Variants in SLC25A21 observed in about 807,000 individuals in gnomAD.
SLC25A21 encodes solute carrier family 25 member 21.
In SLC25A21, 47 loss-of-function variants were observed where a neutral mutation model predicts 43.8. That is an observed-to-expected ratio of 1.07 (90% confidence interval 0.85 to 1.37). The LOEUF is 1.37. Among genes scored for constraint, SLC25A21 ranks in the 40% most tolerant of loss-of-function variants. SLC25A21 has a pLI of 0.00. For missense variants in SLC25A21, 352 were observed against 350.2 expected (o/e 1.00, Z -0.04); for synonymous variants, 131 against 121.3 (o/e 1.08, Z -0.52).
At chr14:37,007,977 C>T (rs141954957) in intron 1 of SLC25A21, among the ~76,000 whole-genome samples, 1,705 of 151,566 alleles carry the variant, frequency 0.011, 13 homozygotes, top group Middle Eastern at 0.02. Context: ...CAGGTTCAAG[C>T]GATTCTCCTG....
chr14:36,678,630 T>C lies in SLC25A21; in HGVS notation c.*2028A>G. On this transcript the variant is annotated 3_prime_UTR_variant, in exon 10 of 10. Transcript: ENST00000331299. ...GTACAGAACTATTCTTTATCAAATG[T>C]TTTTAGGTGGCTGTTAGGGGGCTTT... is the stretch of plus-strand genomic sequence containing the variant. 3 of 1,292,386 alleles carry C rather than the reference T, an allele frequency of 2.3e-6. No individual in the cohort carries two copies. Among genetic ancestry groups the C allele is most frequent in the Non-Finnish European group, 2.0e-6 (2 of 1,018,950 alleles). The allele number at this position is 1,292,386 out of a possible 1,614,324, so 80.1% of individuals were successfully genotyped here. A position where few individuals can be genotyped will look rare whatever the true frequency, so the allele number is the denominator to read the frequency against.
intron 1 of SLC25A21, among the ~76,000 whole-genome samples, chr14:37,087,875 C>T (rs545537631): frequency 6.6e-6 from 1 of 152,208 alleles, no homozygotes; most frequent in African/African-American, 2.4e-5. Flanking sequence ...ACACACCAAA[C>T]ACATCACCAT....
In SLC25A21 at chr14:36,678,335, G is replaced by A; in HGVS notation, c.*2323C>T. On this transcript the variant is annotated 3_prime_UTR_variant, in exon 10 of 10. Coordinates refer to ENST00000331299, the MANE Select transcript of SLC25A21 (RefSeq NM_030631.4). Reference sequence around the variant, plus strand: ...GATATCTTATAGAGAGCTTTGAACTGCATTTATTTCTAAAGCAACCGAAAT... The same window carrying A: ...GATATCTTATAGAGAGCTTTGAACTACATTTATTTCTAAAGCAACCGAAAT... 1 of 688,806 alleles carries A rather than the reference G, an allele frequency of 1.5e-6. No homozygotes were observed. Among genetic ancestry groups the A allele is most frequent in the Non-Finnish European group, 2.5e-6 (1 of 403,396 alleles). The allele number at this position is 688,806 out of a possible 1,614,324, so 42.7% of individuals were successfully genotyped here.
intron 2 of SLC25A21, among the ~76,000 whole-genome samples, chr14:36,869,915 C>A (rs1890320906): frequency 6.6e-6 from 1 of 152,118 alleles, no homozygotes; most frequent in Non-Finnish European, 1.5e-5. Context: ...ACAAGCCCCA[C>A]CACATTATCT....
chr14:36,946,314 T>C (rs1892678382), intron 1 of SLC25A21, among the ~76,000 whole-genome samples: 1 of 152,186 alleles, frequency 6.6e-6, no homozygotes, highest in African/African-American at 2.4e-5. Flanking sequence ...GTCCTCTTGT[T>C]TCTAAATAAT....
intron 1 of SLC25A21, among the ~76,000 whole-genome samples, chr14:37,056,363 G>T (rs1266103246): frequency 6.6e-6 from 1 of 151,788 alleles, no homozygotes; most frequent in Non-Finnish European, 1.5e-5. Context: ...GGTGGCGGGC[G>T]CCTGTAGTCC....
chr14:36,862,055 A>G (rs532196803), intron 2 of SLC25A21, among the ~76,000 whole-genome samples: 1 of 152,352 alleles, frequency 6.6e-6, no homozygotes, highest in African/African-American at 2.4e-5. Flanking sequence ...CAAAACCACA[A>G]TGAGATACCA....
rs567447111 is a variant in SLC25A21 at position 36,866,441 on chromosome 14, T to G, written c.119+8515A>C. On this transcript the variant is annotated intron_variant, in intron 2 of 9. Transcript: ENST00000331299. ...TCCTGAAGCACAATGGGCCATTTCC[T>G]TTCCTGGGATTAAAAATATGAAAGG... 2.0e-5 allele frequency among the ~76,000 whole-genome samples: 3 copies of G among 152,292 alleles called. No homozygotes were observed. The South Asian group carries it at 6.2e-4, about 32-fold the overall frequency.
intron 2 of SLC25A21, among the ~76,000 whole-genome samples, chr14:36,871,819 AT>A (rs1399615327): frequency 1.4e-5 from 2 of 144,446 alleles, no homozygotes; most frequent in African/African-American, 5.2e-5. Flanking sequence ...ATTTTATTTT[AT>A]TTTTTTACAC....
chr14:36,934,878 C>T (rs1892381568), intron 1 of SLC25A21, among the ~76,000 whole-genome samples: 1 of 152,016 alleles, frequency 6.6e-6, no homozygotes. Flanking sequence ...AATTGCCTTG[C>T]TTTTTCATTT....
chr14:36,695,817 T>G (rs1005446162), intron 7 of SLC25A21, among the ~76,000 whole-genome samples: 1 of 152,204 alleles, frequency 6.6e-6, no homozygotes, highest in Non-Finnish European at 1.5e-5. Context: ...GCTGAGACGA[T>G]GGGGTTTTCT....
At chr14:36,711,187 T>A (rs560863079) in intron 7 of SLC25A21, 131 bp downstream of exon 7, 1 of 785,462 alleles carries the variant, frequency 1.3e-6, no homozygotes, top group East Asian at 2.7e-5. Context: ...TCAATGCAGA[T>A]GTAAGGATCA....
chr14:36,860,127 A>T (rs554049636), intron 2 of SLC25A21, among the ~76,000 whole-genome samples: 1 of 134,964 alleles, frequency 7.4e-6, no homozygotes, highest in Non-Finnish European at 1.6e-5. Context: ...AAGCCAAATA[A>T]GGTAATGAAA....
chr14:36,990,845 CGCTCCAGCCTGA>C (rs1960247672), intron 1 of SLC25A21, among the ~76,000 whole-genome samples: 1 of 151,738 alleles, frequency 6.6e-6, no homozygotes, highest in Non-Finnish European at 1.5e-5. Flanking sequence ...TGCACCACTG[CGCTCCAGCCTGA>C]ACTCCAGCCT....
chr14:37,009,657 CCT>C (rs1272582053), intron 1 of SLC25A21, among the ~76,000 whole-genome samples: 2 of 152,130 alleles, frequency 1.3e-5, no homozygotes, highest in East Asian at 3.9e-4. Flanking sequence ...AAAAGAAAAT[CCT>C]CTGACTTATT....
intron 1 of SLC25A21, among the ~76,000 whole-genome samples, chr14:36,947,720 G>T (rs1892709941): frequency 6.6e-6 from 1 of 152,110 alleles, no homozygotes; most frequent in Admixed American, 6.6e-5. Context: ...TCTCTCCAAT[G>T]TGATACTCAA....
chr14:36,714,681 C>T (rs1216827693), intron 6 of SLC25A21, among the ~76,000 whole-genome samples: 2 of 152,236 alleles, frequency 1.3e-5, no homozygotes, highest in South Asian at 2.1e-4. Context: ...AAGTGCTCAA[C>T]ACCTTTAGCC....
At chr14:36,910,582 T>C (rs963991716) in intron 1 of SLC25A21, among the ~76,000 whole-genome samples, 1 of 152,106 alleles carries the variant, frequency 6.6e-6, no homozygotes, top group Admixed American at 6.6e-5. Context: ...GAAATATATT[T>C]AGAAGTTGAT....
intron 3 of SLC25A21, among the ~76,000 whole-genome samples, chr14:36,760,728 T>C (rs1476963285): frequency 6.6e-6 from 1 of 152,196 alleles, no homozygotes; most frequent in Non-Finnish European, 1.5e-5. Flanking sequence ...CCGTCACTCA[T>C]GTCTGTATTT....
Sources: gnomAD v4.1 joint callset for allele counts (sites outside exome capture counted in the v4.1 genomes callset) on GRCh38, gnomAD v4.1.1 for gene constraint, MANE v1.5 for transcripts, NCBI Gene and HGNC (gene_info 2026-07-23, HGNC 2026-07-21) for gene names.